The following CRMP1 variants were observed in gnomAD, a reference collection of about 807,000 sequenced individuals.
CRMP1 encodes collapsin response mediator protein 1.
Under a neutral mutation model 68.3 loss-of-function variants are expected in CRMP1, and 19 were observed. That is an observed-to-expected ratio of 0.28 (90% confidence interval 0.19 to 0.41). CRMP1 has a LOEUF of 0.41. CRMP1 is among the 10% of genes least tolerant of loss of function. The pLI is 1.00. For missense variants in CRMP1, 791 were observed against 967.4 expected (o/e 0.82, Z 2.42); for synonymous variants, 439 against 399.6 (o/e 1.10, Z -1.18).
At chr4:5,878,910 G>C (rs1443163870) in intron 1 of CRMP1, among the ~76,000 whole-genome samples, 1 of 151,582 alleles carries the variant, frequency 6.6e-6, no homozygotes, top group Non-Finnish European at 1.5e-5. Flanking sequence ...CTCTTTTTTA[G>C]ATCTTGTTGC....
intron 1 of CRMP1, among the ~76,000 whole-genome samples, chr4:5,884,839 T>C (rs1715466223): frequency 6.6e-6 from 1 of 152,098 alleles, no homozygotes; most frequent in Admixed American, 6.5e-5. Flanking sequence ...CCCACTTCGG[T>C]AGCTCTATTC....
chr4:5,861,070 A>T lies in CRMP1; in HGVS notation c.611T>A (p.Phe204Tyr), dbSNP rs777875354. ...SQGMTAADDF[F>Y]QGTRAALVGG... is the part of the protein sequence containing the mutation. Reference sequence around the variant, plus strand: ...CACCAGTGCCGCCCTGGTCCCTTGGAAGAAGTCATCAGCCGCAGTCATCCC... The same window carrying T: ...CACCAGTGCCGCCCTGGTCCCTTGGTAGAAGTCATCAGCCGCAGTCATCCC... The change falls in exon 3 of 14, where the codon TTC becomes TAC. Residue 204 changes from phenylalanine (F) to tyrosine (Y), a missense_variant. Coordinates refer to ENST00000324989, the MANE Select transcript of CRMP1 (RefSeq NM_001014809.3). The surrounding 1 kb of genome is among the most constrained non-coding windows in gnomAD (Gnocchi z 6.0). 1.1e-5 allele frequency: 18 copies of T among 1,614,202 alleles called. No individual in the cohort carries two copies. The highest frequency in any genetic ancestry group is 1.3e-5 in the Non-Finnish European group (15 of 1,180,046).
rs562145348 is a variant in CRMP1 at position 5,856,057 on chromosome 4, CAG to C, written c.820+84_820+85del. 1.3e-4 allele frequency: 198 copies of C among 1,506,288 alleles called. 1 individual carries two copies. Among genetic ancestry groups the C allele is most frequent in the South Asian group, 1.1e-3 (84 of 79,530 alleles). 93.3% of individuals were successfully genotyped at this position (1,506,288 alleles called of 1,614,324 possible). Reference sequence around the variant, plus strand: ...TAATCAGGCTCAGAACAGATGCAGACAGGGGGATTTTTCACTCCACATAATCT... The same window carrying C: ...TAATCAGGCTCAGAACAGATGCAGACGGGGATTTTTCACTCCACATAATCT... On this transcript the variant is annotated intron_variant, in intron 4 of 13. Transcript: ENST00000324989.
chr4:5,860,738 C>A lies in CRMP1; in HGVS notation c.655+288G>T, dbSNP rs997190643. ...ATCTAAATGTGACTTCAGTCTCATG[C>A]TAAGCGATTATATCAATGAGATGTT... On this transcript the variant is annotated intron_variant, in intron 3 of 13. Transcript: ENST00000324989. The surrounding 1 kb of genome is among the most constrained non-coding windows in gnomAD (Gnocchi z 4.2). Among the ~76,000 whole-genome samples, 3 of 151,978 alleles carry A rather than the reference C, an allele frequency of 2.0e-5. No homozygotes were observed. Among genetic ancestry groups the A allele is most frequent in the African/African-American group, 7.3e-5 (3 of 41,354 alleles).
At position 5,891,345 on chromosome 4, in the gene CRMP1, T is replaced by C. The variant is rs571604389; in HGVS notation, c.381+1244A>G. On this transcript the variant is annotated intron_variant, in intron 1 of 13. Coordinates refer to ENST00000324989, the MANE Select transcript of CRMP1 (RefSeq NM_001014809.3). The surrounding 1 kb of genome is among the most constrained non-coding windows in gnomAD (Gnocchi z 5.2). The stretch of plus-strand genomic sequence containing the variant: ...CGTGTTTACCAGTTCCCTGCTCCTA[T>C]TCCTCCAGGAAGCCCTCCCAGATAT... Among the ~76,000 whole-genome samples, 1 of 152,110 alleles carries C rather than the reference T, an allele frequency of 6.6e-6. No individual in the cohort carries two copies. Among genetic ancestry groups the C allele is most frequent in the South Asian group, 2.1e-4 (1 of 4,820 alleles).
chr4:5,892,820 G>A lies in CRMP1; in HGVS notation c.150C>T (p.Phe50=). 2 of 1,400,734 alleles carry A rather than the reference G, an allele frequency of 1.4e-6. No homozygotes were observed. The highest frequency in any genetic ancestry group is 2.8e-5 in the South Asian group (2 of 70,926). The allele number at this position is 1,400,734 out of a possible 1,614,324, so 86.8% of individuals were successfully genotyped here. A position where few individuals can be genotyped will look rare whatever the true frequency, so the allele number is the denominator to read the frequency against. Residue 50 remains phenylalanine (F), a synonymous_variant, in exon 1 of 14, where the codon TTC becomes TTT. Transcript: ENST00000324989. The surrounding 1 kb of genome is among the most constrained non-coding windows in gnomAD (Gnocchi z 8.6). ...CGCGGCGGCCCACACTGTAGGCGTC[G>A]AAGTCGATGGTCTTGTTCTCGTAGG... ...EGAYENKTID[F]DAYSVGRRGS...
Position 5,828,372 on chromosome 4 carries a change from C to T in CRMP1, c.1803+117G>A, listed in dbSNP as rs2286284. The T allele has an allele frequency of 2.1e-4, 309 of 1,448,612 alleles. 2 individuals are homozygous for T. Among genetic ancestry groups the T allele is most frequent in the Middle Eastern group, 5.1e-4 (2 of 3,930 alleles). 89.7% of individuals were successfully genotyped at this position (1,448,612 alleles called of 1,614,324 possible). A position where few individuals can be genotyped will look rare whatever the true frequency, so the allele number is the denominator to read the frequency against. ...TCAACCCATTTAACAGATAAGGAAACGGAGGTTCCCAGGGCGATGACATTA... is the reference window on the plus strand; with the variant it reads ...TCAACCCATTTAACAGATAAGGAAATGGAGGTTCCCAGGGCGATGACATTA... On this transcript the variant is annotated intron_variant, in intron 12 of 13. Coordinates refer to ENST00000324989, the MANE Select transcript of CRMP1 (RefSeq NM_001014809.3).
intron 6 of CRMP1, 137 bp downstream of exon 6, chr4:5,849,255 G>T: frequency 3.0e-6 from 2 of 666,764 alleles, no homozygotes; most frequent in Non-Finnish European, 5.3e-6. Flanking sequence ...CATATCTGAT[G>T]TGTCTGATAT....
At chr4:5,845,602 T>C (rs746226230) in intron 6 of CRMP1, among the ~76,000 whole-genome samples, 1 of 152,184 alleles carries the variant, frequency 6.6e-6, no homozygotes, top group Non-Finnish European at 1.5e-5. Context: ...CAGCCAGAAA[T>C]AGCTGAGCTG....
chr4:5,851,902 A>AG (rs1553905691), intron 4 of CRMP1, among the ~76,000 whole-genome samples: 1 of 145,128 alleles, frequency 6.9e-6, no homozygotes, highest in African/African-American at 2.6e-5. Context: ...GAGGAAGAAA[A>AG]AGGAGAAAGA....
rs1161580306 is a variant in CRMP1 at position 5,881,544 on chromosome 4, C to T, written c.381+11045G>A. The stretch of plus-strand genomic sequence containing the variant: ...ATTGCACTTGGTTACCATTCAGCAC[C>T]GTGGTGCTGTCCACTGCCCCGACCA... On this transcript the variant is annotated intron_variant, in intron 1 of 13. Coordinates refer to ENST00000324989, the MANE Select transcript of CRMP1 (RefSeq NM_001014809.3). This position sits in a 1 kb window ranked among gnomAD's most constrained non-coding sequence, Gnocchi z 4.6. 6.6e-6 allele frequency among the ~76,000 whole-genome samples: 1 copy of T among 152,136 alleles called. No individual in the cohort carries two copies. The highest frequency in any genetic ancestry group is 6.5e-5 in the Admixed American group (1 of 15,270).
chr4:5,868,271 A>ATATATATATATATATATC lies in CRMP1; in HGVS notation c.382-1516_382-1515insGATATATATATATATATA, dbSNP rs1714156578. Among the ~76,000 whole-genome samples, 12 of 24,654 alleles carry ATATATATATATATATATC rather than the reference A, an allele frequency of 4.9e-4. No individual in the cohort carries two copies. In the South Asian group the frequency reaches 0.017, roughly 36 times the overall value. The allele number at this position is 24,654 out of a possible 152,430, so 16.2% of individuals were successfully genotyped here. ...TTCATGACTATATATCTATATATAT[A>ATATATATATATATATATC]TATATATATATATATATATATATAT... On this transcript the variant is annotated intron_variant, in intron 1 of 13. Coordinates refer to ENST00000324989, the MANE Select transcript of CRMP1 (RefSeq NM_001014809.3).
rs541763673 is a variant in CRMP1 at position 5,888,437 on chromosome 4, C to T, written c.381+4152G>A. On this transcript the variant is annotated intron_variant, in intron 1 of 13. Transcript: ENST00000324989. The surrounding 1 kb of genome is among the most constrained non-coding windows in gnomAD (Gnocchi z 6.4). ...CCCACGCGCGGCTGCCCCGGCTGCTCGGCCCGCCCGCCGCCGCTCCGGCTG... is the reference window on the plus strand; with the variant it reads ...CCCACGCGCGGCTGCCCCGGCTGCTTGGCCCGCCCGCCGCCGCTCCGGCTG... 2,485 of 1,215,002 alleles carry T rather than the reference C, an allele frequency of 2.0e-3. 9 individuals are homozygous for T. The highest frequency in any genetic ancestry group is 0.011 in the South Asian group (250 of 23,468). The allele number at this position is 1,215,002 out of a possible 1,614,324, so 75.3% of individuals were successfully genotyped here. A position where few individuals can be genotyped will look rare whatever the true frequency, so the allele number is the denominator to read the frequency against.
intron 13 of CRMP1, among the ~76,000 whole-genome samples, chr4:5,823,946 G>A (rs537762707): frequency 2.6e-5 from 4 of 152,356 alleles, no homozygotes; most frequent in African/African-American, 9.6e-5. Flanking sequence ...GAAAGCATCT[G>A]TGTTGTTGGT....
intron 3 of CRMP1, among the ~76,000 whole-genome samples, chr4:5,857,268 C>T (rs1391965422): frequency 6.6e-6 from 1 of 150,964 alleles, no homozygotes; most frequent in Non-Finnish European, 1.5e-5. Context: ...TCATTATCAC[C>T]CCATCATCAT....
chr4:5,858,549 C>A lies in CRMP1; in HGVS notation c.656-2242G>T, dbSNP rs1713304877. Reference sequence around the variant, plus strand: ...GGCTGTTGACTGGCCTCCTCCATATCCCTGGAGCTGTCCAATTCTGCCCAC... The same window carrying A: ...GGCTGTTGACTGGCCTCCTCCATATACCTGGAGCTGTCCAATTCTGCCCAC... On this transcript the variant is annotated intron_variant, in intron 3 of 13. Transcript: ENST00000324989. This position sits in a 1 kb window ranked among gnomAD's most constrained non-coding sequence, Gnocchi z 5.5. 6.6e-6 allele frequency among the ~76,000 whole-genome samples: 1 copy of A among 152,136 alleles called. No individual in the cohort carries two copies. Among genetic ancestry groups the A allele is most frequent in the Non-Finnish European group, 1.5e-5 (1 of 68,042 alleles).
intron 12 of CRMP1, chr4:5,826,656 C>G (rs73206290): frequency 0.047 from 7,190 of 152,378 alleles, 180 homozygotes; most frequent in African/African-American, 0.062. Flanking sequence ...GGCACCTGCT[C>G]CAGGCACTGG....
chr4:5,827,746 C>CACACAT (rs113440337), intron 12 of CRMP1, among the ~76,000 whole-genome samples: 15,617 of 152,004 alleles, frequency 0.1, 946 homozygotes, highest in African/African-American at 0.18. Flanking sequence ...CACACACACA[C>CACACAT]ACACACACGA....
At chr4:5,868,291 A>ATATATG (rs1714178829) in intron 1 of CRMP1, among the ~76,000 whole-genome samples, 2 of 99,246 alleles carry the variant, frequency 2.0e-5, no homozygotes, top group African/African-American at 9.1e-5. Flanking sequence ...ATATATATAT[A>ATATATG]TATATATATA....
Sources: allele counts gnomAD v4.1 joint callset (sites outside exome capture counted in the v4.1 genomes callset), GRCh38; gene constraint gnomAD v4.1.1; non-coding constraint Gnocchi (gnomAD v3.1); transcripts MANE v1.5; gene names NCBI Gene and HGNC (gene_info 2026-07-23, HGNC 2026-07-21).